Variants in CFAP47 observed in about 807,000 individuals in gnomAD.
CFAP47 encodes cilia- and flagella-associated protein 47.
In CFAP47, 29 loss-of-function variants were observed where a neutral mutation model predicts 148.1. The observed-to-expected ratio is 0.20, with a 90% CI of 0.15 to 0.27. The LOEUF (loss-of-function observed/expected upper bound fraction) is 0.27. Ranked by LOEUF, CFAP47 falls within the 10% of genes least tolerant of loss-of-function variation. The pLI is 1.00. For synonymous variants in CFAP47, 664 were observed against 577.3 expected (o/e 1.15, Z -2.15); for missense variants, 1,872 against 1,697.5 (o/e 1.10, Z -1.81).
rs927364710 is a variant in CFAP47 at position 36,269,834 on chromosome X, T to C, written c.7445-10653T>C. Reference sequence around the variant, plus strand: ...TTCCCCTCATATGCTAGACTACCCTTGCCTTAGGCAACCAGTTACCTGTTT... The same window carrying C: ...TTCCCCTCATATGCTAGACTACCCTCGCCTTAGGCAACCAGTTACCTGTTT... On this transcript the variant is annotated intron_variant, in intron 49 of 63. Coordinates refer to ENST00000378653, the MANE Select transcript of CFAP47 (RefSeq NM_001304548.2). Among the ~76,000 whole-genome samples the C allele has an allele frequency of 3.6e-5, 4 of 111,996 alleles. No homozygotes were observed. The Admixed American group carries it at 3.8e-4, about 11-fold the overall frequency.
chrX:36,015,633 C>T (rs1394335391), intron 22 of CFAP47, among the ~76,000 whole-genome samples: 1 of 111,272 alleles, frequency 9.0e-6, no homozygotes. Context: ...AAAAATATTT[C>T]ACTCTCATTT....
intron 26 of CFAP47, among the ~76,000 whole-genome samples, chrX:36,047,843 C>T (rs1937484774): frequency 8.9e-6 from 1 of 112,074 alleles, no homozygotes. Context: ...CTTAATACAT[C>T]ATATTTCACA....
chrX:36,184,757 C>T (rs915981247), intron 40 of CFAP47, among the ~76,000 whole-genome samples: 15 of 110,847 alleles, frequency 1.4e-4, no homozygotes, highest in Non-Finnish European at 2.1e-4. Context: ...AATATGGTGA[C>T]GCCCTCTCTC....
At chrX:36,037,338 T>TTTGTTG (rs768498053) in intron 24 of CFAP47, among the ~76,000 whole-genome samples, 4,121 of 106,168 alleles carry the variant, frequency 0.039, 174 homozygotes, top group African/African-American at 0.12. Flanking sequence ...AACTTTACTC[T>TTTGTTG]TTGTTGTTGT....
intron 61 of CFAP47, chrX:36,365,736 T>C (rs1941869714): frequency 9.0e-6 from 1 of 111,070 alleles, no homozygotes; most frequent in African/African-American, 3.3e-5. Flanking sequence ...ATGTGGTATT[T>C]GGTTTTCTGG....
At chrX:36,095,850 A>C (rs1454802171) in intron 30 of CFAP47, among the ~76,000 whole-genome samples, 1 of 111,134 alleles carries the variant, frequency 9.0e-6, no homozygotes, top group Non-Finnish European at 1.9e-5. Flanking sequence ...TTTCAGTTTC[A>C]TGTATTTCTG....
intron 57 of CFAP47, 119 bp from the exon 58 acceptor site, chrX:36,348,010 T>C: frequency 2.8e-6 from 1 of 351,874 alleles, no homozygotes; most frequent in Non-Finnish European, 4.5e-6. Flanking sequence ...CGTTTTTTGT[T>C]CAGAAGCAGT....
intron 29 of CFAP47, among the ~76,000 whole-genome samples, chrX:36,075,201 T>TTTATTTA (rs1937826380): frequency 9.4e-6 from 1 of 106,632 alleles, no homozygotes; most frequent in African/African-American, 3.5e-5. Flanking sequence ...TATGTATTAT[T>TTTATTTA]TTTATTTATT....
Position 35,970,907 on chromosome X carries a change from A to G in CFAP47, c.1954A>G (p.Lys652Glu), listed in dbSNP as rs1278308220. The change falls in exon 11 of 64, where the codon AAG (lysine) becomes GAG (glutamate). Residue 652 changes from lysine (K) to glutamate (E), a missense_variant. By Grantham distance (56) the Lys-to-Glu change is moderately conservative. Transcript: ENST00000378653. ...LKYLRSVRLQ[K>E]KQAERERMYS... ...ATATTTAAGAAGTGTGCGCTTGCAG[A>G]AGAAACAAGCAGAGAGGTAATGTTC... is the stretch of plus-strand genomic sequence containing the variant. The G allele has an allele frequency of 1.7e-6, 2 of 1,195,221 alleles. No individual in the cohort carries two copies. Among genetic ancestry groups the G allele is most frequent in the Admixed American group, 4.7e-5 (2 of 42,541 alleles).
intron 29 of CFAP47, among the ~76,000 whole-genome samples, chrX:36,077,440 T>C (rs139134605): frequency 0.011 from 1,176 of 108,241 alleles, 14 homozygotes; most frequent in African/African-American, 0.038. Flanking sequence ...CATCTATGAT[T>C]TCTTTCAGCA....
intron 36 of CFAP47, among the ~76,000 whole-genome samples, chrX:36,145,778 C>T (rs1034010390): frequency 2.7e-5 from 3 of 109,816 alleles, no homozygotes; most frequent in South Asian, 4.0e-4. Context: ...AGATATGCCA[C>T]GGTGATCTTT....
At position 36,236,053 on chromosome X, in the gene CFAP47, A is replaced by T; in HGVS notation, c.7134A>T (p.Lys2378Asn). 2.0e-6 allele frequency: 1 copy of T among 503,754 alleles called. No individual in the cohort carries two copies. The highest frequency in any genetic ancestry group is 3.6e-6 in the Non-Finnish European group (1 of 278,428). The allele number at this position is 503,754 out of a possible 1,213,427, so 41.5% of individuals were successfully genotyped here. Reference protein sequence around the residue: ...DEIVEYPLTFKPIFECVITGK... With the variant: ...DEIVEYPLTFNPIFECVITGK... ...TTGTGGAGTATCCTCTCACATTCAAACCTATTTTTGAATGTGTCATTACGG... is the reference window on the plus strand; with the variant it reads ...TTGTGGAGTATCCTCTCACATTCAATCCTATTTTTGAATGTGTCATTACGG... Residue 2378 changes from lysine to asparagine, a missense_variant, in exon 47 of 64, where the codon AAA (lysine) becomes AAT (asparagine). Lys to Asn is a moderately conservative substitution (Grantham distance 94). Transcript: ENST00000378653.
chrX:36,347,192 A>G (rs1556016698), intron 57 of CFAP47, among the ~76,000 whole-genome samples: 2 of 112,387 alleles, frequency 1.8e-5, no homozygotes. Flanking sequence ...AATGCTCATC[A>G]TCACTGGTCA....
At chrX:36,216,782 T>C (rs2146892747) in intron 45 of CFAP47, among the ~76,000 whole-genome samples, 1 of 111,285 alleles carries the variant, frequency 9.0e-6, no homozygotes, top group Admixed American at 9.6e-5. Flanking sequence ...CAAGACCAGA[T>C]GAGCCAGTTT....
chrX:36,253,141 G>GA (rs1300033784), intron 49 of CFAP47, among the ~76,000 whole-genome samples: 2 of 111,940 alleles, frequency 1.8e-5, no homozygotes, highest in Non-Finnish European at 3.8e-5. Flanking sequence ...ATGTTGGTTT[G>GA]AAAAAATTTG....
intron 45 of CFAP47, 38 bp from the exon 46 acceptor site, chrX:36,228,590 A>G: frequency 5.9e-6 from 3 of 510,989 alleles, no homozygotes; most frequent in Non-Finnish European, 3.6e-6. Context: ...TAGGTTTTAT[A>G]TGATTTTAAA....
At chrX:36,149,054 T>G in intron 36 of CFAP47, 54 bp from the exon 37 acceptor site, 1 of 285,904 alleles carries the variant, frequency 3.5e-6, no homozygotes, top group East Asian at 5.0e-5. Context: ...ATGATATAGT[T>G]GCATAGTTTT....
chrX:36,325,220 C>T (rs1941508574), intron 57 of CFAP47, among the ~76,000 whole-genome samples: 1 of 111,417 alleles, frequency 9.0e-6, no homozygotes, highest in Non-Finnish European at 1.9e-5. Context: ...TACAATGTGC[C>T]AGGAGCTATT....
chrX:36,232,565 C>T (rs1190382754), intron 46 of CFAP47, among the ~76,000 whole-genome samples: 1 of 111,462 alleles, frequency 9.0e-6, no homozygotes, highest in East Asian at 2.8e-4. Context: ...AAAAAACCAG[C>T]TCCTGGATTC....
Sources: gnomAD v4.1 joint callset for allele counts (sites outside exome capture counted in the v4.1 genomes callset) on GRCh38, gnomAD v4.1.1 for gene constraint, MANE v1.5 for transcripts, NCBI Gene and HGNC (gene_info 2026-07-23, HGNC 2026-07-21) for gene names.